The following SLC47A1 variants were observed in gnomAD, a reference collection of about 807,000 sequenced individuals.
The protein encoded by SLC47A1 is solute carrier family 47 member 1.
Under a neutral mutation model 65.8 loss-of-function variants are expected in SLC47A1, and 58 were observed. The ratio of observed to expected loss-of-function variants is 0.88; its 90% CI spans 0.71 to 1.10. The LOEUF (loss-of-function observed/expected upper bound fraction) is 1.10. Ranked by LOEUF, SLC47A1 falls within the 50% of genes least tolerant of loss-of-function variation. SLC47A1 has a pLI of 0.00. For synonymous variants in SLC47A1, 285 were observed against 295.0 expected (o/e 0.97, Z 0.35); for missense variants, 706 against 719.2 (o/e 0.98, Z 0.21).
At chr17:19,554,905 C>G (rs1916559259) in intron 6 of SLC47A1, among the ~76,000 whole-genome samples, 1 of 152,166 alleles carries the variant, frequency 6.6e-6, no homozygotes, top group Non-Finnish European at 1.5e-5. Flanking sequence ...CCATTTAGCC[C>G]CTGCCAGTCC....
chr17:19,553,072 T>C (rs1179791768), intron 6 of SLC47A1, among the ~76,000 whole-genome samples: 2 of 151,798 alleles, frequency 1.3e-5, no homozygotes, highest in Non-Finnish European at 2.9e-5. Context: ...GCCCCCAGGG[T>C]GGAAGGAGTT....
chr17:19,539,992 C>T (rs563974885), intron 1 of SLC47A1, among the ~76,000 whole-genome samples: 5 of 152,254 alleles, frequency 3.3e-5, no homozygotes, highest in South Asian at 4.2e-4. Flanking sequence ...CTCAGGCAGT[C>T]GGAGTACAGG....
rs759451518 is a variant in SLC47A1 at position 19,566,859 on chromosome 17, TGTAA to T, written c.1176+4_1176+7del. 1.9e-6 allele frequency: 3 copies of T among 1,614,212 alleles called. No individual in the cohort carries two copies. Among genetic ancestry groups the T allele is most frequent in the East Asian group, 2.2e-5 (1 of 44,890 alleles). On this transcript the variant is annotated splice_donor_variant and splice_donor_region_variant and intron_variant, in intron 13 of 16. Coordinates refer to ENST00000270570, the MANE Select transcript of SLC47A1 (RefSeq NM_018242.3). LOFTEE classifies it high-confidence loss of function. ...TTTCCCACCTCTTTGAAGCTCTTGCTGTAAGTATTATGTAGTAGTCCCCTAAGCA... is the reference window on the plus strand; with the variant it reads ...TTTCCCACCTCTTTGAAGCTCTTGCTGTATTATGTAGTAGTCCCCTAAGCA...
At chr17:19,554,357 T>C (rs2152314242) in intron 6 of SLC47A1, among the ~76,000 whole-genome samples, 1 of 152,332 alleles carries the variant, frequency 6.6e-6, no homozygotes, top group South Asian at 2.1e-4. Flanking sequence ...CCCACGAAGC[T>C]CTGTGCCTGG....
chr17:19,576,495 C>T (rs2084441294), intron 16 of SLC47A1, among the ~76,000 whole-genome samples: 1 of 151,682 alleles, frequency 6.6e-6, no homozygotes. Context: ...GGACTATAGG[C>T]ATACGCCATC....
intron 12 of SLC47A1, among the ~76,000 whole-genome samples, chr17:19,562,616 C>T (rs1470297329): frequency 6.6e-6 from 1 of 151,270 alleles, no homozygotes; most frequent in Non-Finnish European, 1.5e-5. Context: ...GTGGGGAAGG[C>T]GATGGCAAAT....
chr17:19,551,350 C>CCG, intron 5 of SLC47A1, 74 bp from the exon 6 acceptor site: 1 of 1,322,384 alleles, frequency 7.6e-7, no homozygotes. Context: ...TGGCTCCTAG[C>CCG]TCCCTGCCGT....
At chr17:19,565,093 G>A (rs11655027) in intron 12 of SLC47A1, among the ~76,000 whole-genome samples, 65,537 of 152,014 alleles carry the variant, frequency 0.43, 14,498 homozygotes, top group Middle Eastern at 0.61. Flanking sequence ...AGTTTAGAGT[G>A]ACAAAACTCA....
In SLC47A1 at chr17:19,555,225, C is replaced by A; in HGVS notation, c.557C>A (p.Pro186His). ...TCCTTTTTCCAGGGAATTGTACTGC[C>A]CCAGATCGTAACTGGAGTTGCAGCC... The part of the protein sequence containing the change: ...KYLLNQGIVL[P>H]QIVTGVAANL... Residue 186 changes from proline to histidine, a missense_variant, in exon 7 of 17, where the codon CCC (proline) becomes CAC (histidine). Transcript: ENST00000270570. 6.2e-7 allele frequency: 1 copy of A among 1,614,146 alleles called. No individual in the cohort carries two copies. The highest frequency in any genetic ancestry group is 8.5e-7 in the Non-Finnish European group (1 of 1,180,030).
In SLC47A1 at chr17:19,533,872, A is replaced by ACC; in HGVS notation, c.-67_-66insCC. On this transcript the variant is annotated 5_prime_UTR_variant, in exon 1 of 17. Coordinates refer to ENST00000270570, the MANE Select transcript of SLC47A1 (RefSeq NM_018242.3). Reference sequence around the variant, plus strand: ...GGTACCCACTGCCGGCCTGCGCGGTACTCACTGCCGGCCTCCGCGGTACCC... The same window carrying ACC: ...GGTACCCACTGCCGGCCTGCGCGGTACCCTCACTGCCGGCCTCCGCGGTACCC... The ACC allele has an allele frequency of 7.3e-7, 1 of 1,368,030 alleles. No individual in the cohort carries two copies. Among genetic ancestry groups the ACC allele is most frequent in the Non-Finnish European group, 9.5e-7 (1 of 1,055,244 alleles). 84.7% of individuals were successfully genotyped at this position (1,368,030 alleles called of 1,614,324 possible).
intron 16 of SLC47A1, among the ~76,000 whole-genome samples, chr17:19,573,825 G>C (rs1336474946): frequency 1.3e-5 from 2 of 151,994 alleles, no homozygotes; most frequent in Non-Finnish European, 1.5e-5. Context: ...CAGCAGTCTA[G>C]GGCAATCTTG....
intron 5 of SLC47A1, among the ~76,000 whole-genome samples, chr17:19,550,136 T>G (rs1916406674): frequency 6.6e-6 from 1 of 152,062 alleles, no homozygotes; most frequent in Non-Finnish European, 1.5e-5. Flanking sequence ...TGTTTGGTGT[T>G]TTTGAGACAG....
At chr17:19,554,227 G>A (rs527440843) in intron 6 of SLC47A1, among the ~76,000 whole-genome samples, 49 of 152,318 alleles carry the variant, frequency 3.2e-4, no homozygotes, top group African/African-American at 1.2e-3. Context: ...GCAGATCTGT[G>A]AGTGAGGGGC....
intron 1 of SLC47A1, among the ~76,000 whole-genome samples, chr17:19,541,227 A>G (rs577175428): frequency 3.1e-4 from 47 of 152,262 alleles, no homozygotes; most frequent in Admixed American, 3.1e-3. Flanking sequence ...ACTCTGGGGT[A>G]TCAGCTTCAG....
chr17:19,565,942 C>T (rs2084354277), intron 12 of SLC47A1, among the ~76,000 whole-genome samples: 1 of 152,096 alleles, frequency 6.6e-6, no homozygotes, highest in South Asian at 2.1e-4. Context: ...CAATTGCGTG[C>T]GGTTATGAGT....
In SLC47A1 at chr17:19,533,991, C is replaced by T; in HGVS notation, c.52C>T (p.Leu18Phe). The change falls in exon 1 of 17, where the codon CTT becomes TTT. Residue 18 changes from leucine to phenylalanine, a missense_variant. Leu to Phe is a conservative substitution (Grantham distance 22). Coordinates refer to ENST00000270570, the MANE Select transcript of SLC47A1 (RefSeq NM_018242.3). ...AGTGCGCGGAGGCCCGGAGGCCACC[C>T]TTGAGGTCCGTGGGTCGCGCTGCTT... ...APVRGGPEAT[L>F]EVRGSRCLRL... The T allele has an allele frequency of 3.9e-6, 6 of 1,544,646 alleles. No individual in the cohort carries two copies. The highest frequency in any genetic ancestry group is 5.2e-6 in the Non-Finnish European group (6 of 1,147,028).
At chr17:19,556,858 G>A (rs1218261647) in intron 10 of SLC47A1, among the ~76,000 whole-genome samples, 1 of 152,160 alleles carries the variant, frequency 6.6e-6, no homozygotes, top group African/African-American at 2.4e-5. Context: ...CGCCTGACTT[G>A]TTAACTGTGT....
chr17:19,541,106 T>C (rs955762174), intron 1 of SLC47A1, among the ~76,000 whole-genome samples: 4 of 151,996 alleles, frequency 2.6e-5, no homozygotes, highest in Admixed American at 2.0e-4. Flanking sequence ...AGAACCTAAG[T>C]CATTGGAGCC....
At chr17:19,545,527 A>G (rs1916264884) in intron 2 of SLC47A1, among the ~76,000 whole-genome samples, 1 of 137,792 alleles carries the variant, frequency 7.3e-6, no homozygotes, top group Non-Finnish European at 1.6e-5. Context: ...GTCTCACTCC[A>G]TTGCCCAGGC....
Sources: allele counts gnomAD v4.1 joint callset (sites outside exome capture counted in the v4.1 genomes callset), GRCh38; gene constraint gnomAD v4.1.1; transcripts MANE v1.5; gene names NCBI Gene and HGNC (gene_info 2026-07-23, HGNC 2026-07-21).